The following EML4 variants were observed in gnomAD, a reference collection of about 807,000 sequenced individuals.
The protein encoded by EML4 is echinoderm microtubule-associated protein-like 4.
Under a neutral mutation model 129.0 loss-of-function variants are expected in EML4, and 72 were observed. That is an observed-to-expected ratio of 0.56 (90% CI 0.46 to 0.68). The LOEUF is 0.68. Among genes scored for constraint, EML4 ranks in the 30% least tolerant of loss-of-function variants. EML4 has a pLI of 0.00. For synonymous variants in EML4, 532 were observed against 405.0 expected (o/e 1.31, Z -3.77); for missense variants, 1,363 against 1,190.6 (o/e 1.14, Z -2.13).
At chr2:42,192,863 T>C (rs1671682368) in intron 1 of EML4, among the ~76,000 whole-genome samples, 1 of 152,132 alleles carries the variant, frequency 6.6e-6, no homozygotes, top group South Asian at 2.1e-4. Context: ...ACCCTGAGAT[T>C]CTTGGTGCAT....
intron 3 of EML4, among the ~76,000 whole-genome samples, chr2:42,257,834 C>T (rs1665437045): frequency 8.5e-6 from 1 of 116,994 alleles, no homozygotes; most frequent in South Asian, 2.6e-4. Flanking sequence ...CAGACTCCGT[C>T]TCAAAAAAAA....
At chr2:42,226,740 TCTC>T (rs1419562467) in intron 1 of EML4, among the ~76,000 whole-genome samples, 2 of 152,088 alleles carry the variant, frequency 1.3e-5, no homozygotes, top group Non-Finnish European at 2.9e-5. Context: ...AAATGTTCTT[TCTC>T]CTCATAGAAA....
intron 9 of EML4, 32 bp downstream of exon 9, chr2:42,284,735 TA>T: frequency 6.8e-7 from 1 of 1,480,392 alleles, no homozygotes. Context: ...CTTCTGTACC[TA>T]GAGACATTGC....
chr2:42,294,315 C>T (rs1045459284), intron 11 of EML4, among the ~76,000 whole-genome samples: 26 of 152,290 alleles, frequency 1.7e-4, no homozygotes, highest in Admixed American at 5.2e-4. Flanking sequence ...GTTTTAATTT[C>T]TGTAGGAATC....
At chr2:42,277,479 T>C (rs1666720991) in intron 6 of EML4, among the ~76,000 whole-genome samples, 1 of 152,182 alleles carries the variant, frequency 6.6e-6, no homozygotes. Flanking sequence ...GTGGGAGGCC[T>C]TAGCCTGTTC....
chr2:42,189,294 T>G (rs777338161), intron 1 of EML4, among the ~76,000 whole-genome samples: 26 of 152,236 alleles, frequency 1.7e-4, no homozygotes, highest in Admixed American at 8.5e-4. Flanking sequence ...TTTAAATCTG[T>G]CCATGTCTCC....
At chr2:42,302,814 G>A (rs979225112) in intron 14 of EML4, among the ~76,000 whole-genome samples, 2 of 152,190 alleles carry the variant, frequency 1.3e-5, no homozygotes, top group Non-Finnish European at 2.9e-5. Flanking sequence ...GATTACAGGT[G>A]TGAGCCACCA....
intron 2 of EML4, among the ~76,000 whole-genome samples, chr2:42,249,866 T>C (rs989132599): frequency 3.9e-5 from 6 of 152,290 alleles, no homozygotes; most frequent in Admixed American, 2.0e-4. Context: ...AGAGAATTCT[T>C]TCCTTTTGAC....
At chr2:42,230,554 G>A (rs1049990157) in intron 1 of EML4, among the ~76,000 whole-genome samples, 1 of 152,070 alleles carries the variant, frequency 6.6e-6, no homozygotes, top group African/African-American at 2.4e-5. Flanking sequence ...CTACAGGTGT[G>A]TGCCACCATC....
chr2:42,203,485 A>G (rs1672355495), intron 1 of EML4, among the ~76,000 whole-genome samples: 1 of 152,216 alleles, frequency 6.6e-6, no homozygotes, highest in South Asian at 2.1e-4. Flanking sequence ...TATTAATATA[A>G]CAAAGTTCAC....
intron 14 of EML4, 48 bp from the exon 15 acceptor site, chr2:42,303,052 GTAAT>G (rs1668380918): frequency 1.3e-6 from 2 of 1,566,314 alleles, no homozygotes; most frequent in African/African-American, 2.7e-5. Context: ...GCTTCGAGTA[GTAAT>G]TAATGCATAT....
chr2:42,183,557 C>G (rs2103855757), intron 1 of EML4, among the ~76,000 whole-genome samples: 1 of 152,234 alleles, frequency 6.6e-6, no homozygotes, highest in Admixed American at 6.5e-5. Flanking sequence ...GTCACTGTAT[C>G]TGATTTTGAT....
rs1403130227 is a variant in EML4, at chr2:42,216,135, G to A, written c.26-29370G>A. ...CGGTTTCACCATGTTGGTCAGGCTG[G>A]TCTCAAACTCCTGACCTCAGGTGAT... On this transcript the variant is annotated intron_variant, in intron 1 of 22. Transcript: ENST00000318522. Among the ~76,000 whole-genome samples the A allele has an allele frequency of 2.7e-5, 4 of 150,578 alleles. No homozygotes were observed. The East Asian group carries it at 7.8e-4, about 29-fold the overall frequency.
At chr2:42,302,572 C>T (rs1335631975) in intron 14 of EML4, among the ~76,000 whole-genome samples, 4 of 148,752 alleles carry the variant, frequency 2.7e-5, no homozygotes, top group African/African-American at 7.5e-5. Flanking sequence ...CTTGCTCTGT[C>T]GCCCAGGCTG....
chr2:42,251,422 A>G (rs1675759584), intron 2 of EML4, among the ~76,000 whole-genome samples: 1 of 152,214 alleles, frequency 6.6e-6, no homozygotes, highest in South Asian at 2.1e-4. Context: ...CCATTTCTAT[A>G]TGAGAGTCAA....
At chr2:42,288,204 G>C (rs764181101) in intron 10 of EML4, 23 bp from the exon 11 acceptor site, 1 of 1,026,640 alleles carries the variant, frequency 9.7e-7, no homozygotes, top group South Asian at 1.5e-5. Flanking sequence ...ATTTTAAAAT[G>C]CCTCTGATTG....
chr2:42,318,649 AAAG>A (rs1188507249), intron 19 of EML4, among the ~76,000 whole-genome samples: 4 of 152,114 alleles, frequency 2.6e-5, no homozygotes, highest in African/African-American at 9.7e-5. Flanking sequence ...TATTCCACCA[AAAG>A]AAGTTTTCAG....
rs1055587526 is a variant in EML4, at chr2:42,331,814, G to C, written c.*1607G>C. On this transcript the variant is annotated 3_prime_UTR_variant, in exon 23 of 23. Coordinates refer to ENST00000318522, the MANE Select transcript of EML4 (RefSeq NM_019063.5). ...ATGGAAGGGTGTGGGTGTGTGTGAA[G>C]GGGCGAGTGGAGACACTGTGTGTAT... is the stretch of plus-strand genomic sequence containing the variant. 1 of 222,174 alleles carries C rather than the reference G, an allele frequency of 4.5e-6. No individual in the cohort carries two copies. The highest frequency in any genetic ancestry group is 2.2e-5 in the African/African-American group (1 of 44,700). The allele number at this position is 222,174 out of a possible 1,614,324, so 13.8% of individuals were successfully genotyped here.
chr2:42,256,760 C>T, intron 3 of EML4, 130 bp downstream of exon 3: 8 of 1,164,902 alleles, frequency 6.9e-6, no homozygotes, highest in Non-Finnish European at 9.7e-6. Flanking sequence ...AATTCTTAAA[C>T]TGTGAAAGTA....
Sources: gnomAD v4.1 joint callset for allele counts (sites outside exome capture counted in the v4.1 genomes callset) on GRCh38, gnomAD v4.1.1 for gene constraint, MANE v1.5 for transcripts, NCBI Gene and HGNC (gene_info 2026-07-23, HGNC 2026-07-21) for gene names.